Variants in KDM6A observed in about 807,000 individuals in gnomAD.
KDM6A encodes the protein lysine-specific demethylase 6A.
Under a neutral mutation model 117.6 loss-of-function variants are expected in KDM6A, and 11 were observed. The ratio of observed to expected loss-of-function variants is 0.09; its 90% CI spans 0.06 to 0.15. The LOEUF (loss-of-function observed/expected upper bound fraction) is 0.15. KDM6A is among the 10% of genes least tolerant of loss of function. KDM6A has a pLI of 1.00. For synonymous variants in KDM6A, 384 were observed against 396.1 expected, an observed-to-expected ratio of 0.97 and a Z score of 0.36; for missense variants, 799 against 1,077.3, an observed-to-expected ratio of 0.74 and a Z score of 3.62.
In KDM6A at chrX:44,893,749, T is replaced by C. The variant is rs1047498062; in HGVS notation, c.225+19762T>C. Among the ~76,000 whole-genome samples, 3 of 110,696 alleles carry C rather than the reference T, an allele frequency of 2.7e-5. No individual in the cohort carries two copies. In the Admixed American group the frequency reaches 2.9e-4, roughly 11 times the overall value. On this transcript the variant is annotated intron_variant, in intron 2 of 29. Transcript: ENST00000611820. ...TGGTCTCCTGGGAAAGCATTCAATA[T>C]TTTGTCCTAAAGTTGTAGATTTTTT...
chrX:44,878,723 T>C (rs769292463), intron 2 of KDM6A, among the ~76,000 whole-genome samples: 88 of 110,879 alleles, frequency 7.9e-4, no homozygotes, highest in African/African-American at 2.8e-3. Flanking sequence ...TAGATACTTT[T>C]TGTTTTTTTT....
intron 2 of KDM6A, among the ~76,000 whole-genome samples, chrX:44,938,352 TTGAG>T (rs1203402972): frequency 9.0e-6 from 1 of 111,490 alleles, no homozygotes; most frequent in East Asian, 2.8e-4. Flanking sequence ...ATAGCAAACT[TTGAG>T]TGGTCTAGGT....
At chrX:44,914,841 A>G (rs1036417154) in intron 2 of KDM6A, among the ~76,000 whole-genome samples, 7 of 110,960 alleles carry the variant, frequency 6.3e-5, no homozygotes, top group Non-Finnish European at 1.3e-4. Context: ...TGAGCATAAT[A>G]CTGGATACTC....
intron 24 of KDM6A, among the ~76,000 whole-genome samples, chrX:45,085,004 A>G (rs1259937898): frequency 9.0e-6 from 1 of 111,626 alleles, no homozygotes; most frequent in East Asian, 2.8e-4. Context: ...TACAGCCAGG[A>G]TTAGAACTAT....
rs899845326 is a variant in KDM6A at position 44,911,653 on chromosome X, C to T, written c.225+37666C>T. Among the ~76,000 whole-genome samples, 33 of 112,260 alleles carry T rather than the reference C, an allele frequency of 2.9e-4. 1 individual carries two copies. Among genetic ancestry groups the T allele is most frequent in the African/African-American group, 9.7e-4 (30 of 30,963 alleles). ...GGCTGGGCAGAGGCTGCAATCTCGGCACTTTGGGAGGCCAAGGCAGGCGGC... is the reference window on the plus strand; with the variant it reads ...GGCTGGGCAGAGGCTGCAATCTCGGTACTTTGGGAGGCCAAGGCAGGCGGC... On this transcript the variant is annotated intron_variant, in intron 2 of 29. Transcript: ENST00000611820.
At chrX:45,090,010 A>G in intron 26 of KDM6A, 80 bp downstream of exon 26, 9 of 791,723 alleles carry the variant, frequency 1.1e-5, no homozygotes, top group South Asian at 8.2e-5. Context: ...TTCTTGAAAT[A>G]TAACTCACTA....
chrX:44,966,136 AT>A (rs1223201190), intron 3 of KDM6A, among the ~76,000 whole-genome samples: 14 of 106,371 alleles, frequency 1.3e-4, no homozygotes, highest in Middle Eastern at 4.8e-3. Context: ...ATATATATAT[AT>A]TTTTTTTTTA....
intron 3 of KDM6A, among the ~76,000 whole-genome samples, chrX:44,963,483 G>GTGTGTGTGTGTGTGTGTCTGTCTGTC (rs1481840859): frequency 3.9e-4 from 16 of 40,883 alleles, no homozygotes; most frequent in African/African-American, 1.1e-3. Context: ...GTGTGTGTGT[G>GTGTGTGTGTGTGTGTGTCTGTCTGTC]TGTCTGTCTG....
chrX:45,062,854 G>T lies in KDM6A; in HGVS notation c.1683+106G>T, dbSNP rs1372061727. 7.7e-6 allele frequency: 4 copies of T among 521,993 alleles called. No homozygotes were observed. The Admixed American group carries it at 8.8e-5, about 12-fold the overall frequency. The allele number at this position is 521,993 out of a possible 1,213,427, so 43.0% of individuals were successfully genotyped here. ...TTATGTTCATTTTTACTTTCTACTG[G>T]TATTTGACAGAATTTAGTAATCTCT... is the stretch of plus-strand genomic sequence containing the variant. On this transcript the variant is annotated intron_variant, in intron 16 of 29. Transcript: ENST00000611820.
chrX:45,074,685 C>T (rs2045029841), intron 18 of KDM6A, among the ~76,000 whole-genome samples: 1 of 111,787 alleles, frequency 8.9e-6, no homozygotes, highest in Non-Finnish European at 1.9e-5. Flanking sequence ...TTGCAGTGGT[C>T]AGTGGTATAC....
chrX:45,109,380 AATGGATAAC>A (rs2046682439), intron 28 of KDM6A, among the ~76,000 whole-genome samples: 1 of 111,107 alleles, frequency 9.0e-6, no homozygotes, highest in Non-Finnish European at 1.9e-5. Flanking sequence ...TGTTGACAGT[AATGGATAAC>A]ATGGTGAACT....
At chrX:44,892,077 A>G (rs2033410401) in intron 2 of KDM6A, among the ~76,000 whole-genome samples, 1 of 112,240 alleles carries the variant, frequency 8.9e-6, no homozygotes, top group African/African-American at 3.2e-5. Flanking sequence ...AGAAGTTACT[A>G]TTTATTCCTA....
intron 2 of KDM6A, 136 bp downstream of exon 2, chrX:44,874,123 C>T (rs1368117204): frequency 8.9e-6 from 5 of 560,323 alleles, no homozygotes; most frequent in South Asian, 2.6e-5. Flanking sequence ...TATTTCCTGC[C>T]TCTGCTCTCC....
At chrX:45,016,533 C>G (rs920303394) in intron 5 of KDM6A, among the ~76,000 whole-genome samples, 1 of 109,558 alleles carries the variant, frequency 9.1e-6, no homozygotes, top group Non-Finnish European at 1.9e-5. Flanking sequence ...CAGAGTCTCA[C>G]TCTGTCGCCA....
At chrX:44,938,291 A>C (rs1022357072) in intron 2 of KDM6A, among the ~76,000 whole-genome samples, 2 of 111,342 alleles carry the variant, frequency 1.8e-5, no homozygotes, top group African/African-American at 6.5e-5. Context: ...TAAAAGTGCT[A>C]CTCCAGTGAA....
chrX:44,900,668 G>A (rs775715239), intron 2 of KDM6A, among the ~76,000 whole-genome samples: 1 of 111,679 alleles, frequency 9.0e-6, no homozygotes, highest in Non-Finnish European at 1.9e-5. Context: ...GGAATCCGAG[G>A]CGGGCGGATC....
intron 27 of KDM6A, 69 bp downstream of exon 27, chrX:45,090,933 T>G: frequency 9.2e-7 from 1 of 1,088,649 alleles, no homozygotes; most frequent in Non-Finnish European, 1.3e-6. Context: ...GTTTTTTTTC[T>G]CCCTTAGAAT....
At chrX:45,079,788 C>T (rs2045318700) in intron 21 of KDM6A, among the ~76,000 whole-genome samples, 1 of 112,133 alleles carries the variant, frequency 8.9e-6, no homozygotes, top group Non-Finnish European at 1.9e-5. Flanking sequence ...TCAAGTGATC[C>T]GCCTACCTCG....
intron 5 of KDM6A, among the ~76,000 whole-genome samples, chrX:45,014,010 C>T (rs1470096750): frequency 1.8e-5 from 2 of 111,616 alleles, no homozygotes; most frequent in Non-Finnish European, 3.8e-5. Flanking sequence ...AGAAATGTTT[C>T]TGGGGATGAG....
Sources: gnomAD v4.1 joint callset for allele counts (sites outside exome capture counted in the v4.1 genomes callset) on GRCh38, gnomAD v4.1.1 for gene constraint, MANE v1.5 for transcripts, NCBI Gene and HGNC (gene_info 2026-07-23, HGNC 2026-07-21) for gene names.